Variants in ZNF202 observed in about 807,000 individuals in gnomAD.
ZNF202 encodes zinc finger protein 202, also known as zinc finger protein with KRAB and SCAN domains 10.
ZNF202 carries 22 observed loss-of-function variants against 54.5 expected under a neutral mutation model. The ratio of observed to expected loss-of-function variants is 0.40; its 90% CI spans 0.29 to 0.58. ZNF202 has a LOEUF of 0.58. ZNF202 is among the 20% of genes least tolerant of loss of function. The pLI is 0.39. For missense variants in ZNF202, 644 were observed against 805.5 expected (o/e 0.80, Z 2.43); for synonymous variants, 294 against 301.4 (o/e 0.98, Z 0.26).
At position 123,726,266 on chromosome 11, in the gene ZNF202, C is replaced by T. The variant is rs763487471; in HGVS notation, c.1678G>A (p.Ala560Thr). 2.7e-5 allele frequency: 44 copies of T among 1,614,210 alleles called. No homozygotes were observed. In the East Asian group the frequency reaches 6.5e-4, roughly 24 times the overall value. Residue 560 changes from alanine to threonine, a missense_variant, in exon 9 of 9, where the codon GCT (alanine) becomes ACT (threonine). Transcript: ENST00000530393. This position sits in a 1 kb window ranked among gnomAD's most constrained non-coding sequence, Gnocchi z 6.0. The stretch of plus-strand genomic sequence containing the variant: ...CTGCAGAGGTAGAGTTCCTCAGCAG[C>T]GTGCGTCTTCCGGTGCGCCAGGTAC... Reference protein sequence around the residue: ...RRYLAHRKTHAAEELYLCSEC... With the variant: ...RRYLAHRKTHTAEELYLCSEC...
intron 3 of ZNF202, among the ~76,000 whole-genome samples, chr11:123,732,376 C>T (rs1297704603): frequency 1.3e-5 from 2 of 152,188 alleles, no homozygotes; most frequent in Non-Finnish European, 2.9e-5. Flanking sequence ...TTATTCTCTT[C>T]GCCCTCCTCT....
intron 3 of ZNF202, among the ~76,000 whole-genome samples, chr11:123,737,391 C>T (rs908570120): frequency 1.3e-5 from 2 of 151,982 alleles, no homozygotes; most frequent in Non-Finnish European, 1.5e-5. Flanking sequence ...ACCTAAGTTT[C>T]CCCCCCGCCC....
chr11:123,739,801 C>T (rs1378335207), intron 3 of ZNF202, among the ~76,000 whole-genome samples: 1 of 152,166 alleles, frequency 6.6e-6, no homozygotes, highest in Non-Finnish European at 1.5e-5. Context: ...AAGTGAAGAA[C>T]CCAGATCTGC....
intron 8 of ZNF202, 109 bp downstream of exon 8, chr11:123,727,367 C>T: frequency 1.4e-6 from 2 of 1,472,174 alleles, no homozygotes; most frequent in South Asian, 1.3e-5. Context: ...GCAGTACTGG[C>T]TGACATGTTA....
Position 123,730,906 on chromosome 11 carries a change from G to T in ZNF202, c.-18C>A. 6.2e-7 allele frequency: 1 copy of T among 1,603,566 alleles called. No individual in the cohort carries two copies. Among genetic ancestry groups the T allele is most frequent in the Non-Finnish European group, 8.5e-7 (1 of 1,174,132 alleles). ...GTAGCCATTTCTTGGCTTTGGGGTGGTCTCACACCATCTAGAGCTCACACT... is the reference window on the plus strand; with the variant it reads ...GTAGCCATTTCTTGGCTTTGGGGTGTTCTCACACCATCTAGAGCTCACACT... On this transcript the variant is annotated 5_prime_UTR_variant, in exon 4 of 9. Coordinates refer to ENST00000530393, the MANE Select transcript of ZNF202 (RefSeq NM_003455.4). This position sits in a 1 kb window ranked among gnomAD's most constrained non-coding sequence, Gnocchi z 6.0.
Position 123,730,476 on chromosome 11 carries a change from C to T in ZNF202, c.402+11G>A. ...CTCCACATCACACAGATCAGGACTC[C>T]CCCTCCTCACCCACCGCCTTGGTCT... On this transcript the variant is annotated intron_variant, in intron 4 of 8. Coordinates refer to ENST00000530393, the MANE Select transcript of ZNF202 (RefSeq NM_003455.4). The surrounding 1 kb of genome is among the most constrained non-coding windows in gnomAD (Gnocchi z 6.0). 3.3e-6 allele frequency: 5 copies of T among 1,517,558 alleles called. No individual in the cohort carries two copies. Among genetic ancestry groups the T allele is most frequent in the Non-Finnish European group, 4.4e-6 (5 of 1,134,956 alleles). 94.0% of individuals were successfully genotyped at this position (1,517,558 alleles called of 1,614,324 possible). A position where few individuals can be genotyped will look rare whatever the true frequency, so the allele number is the denominator to read the frequency against.
At position 123,724,166 on chromosome 11, in the gene ZNF202, T is replaced by C. The variant is rs1861020404; in HGVS notation, c.*1831A>G. 6.6e-6 allele frequency: 1 copy of C among 152,212 alleles called. No homozygotes were observed. Among genetic ancestry groups the C allele is most frequent in the Non-Finnish European group, 1.5e-5 (1 of 68,050 alleles). 9.4% of individuals were successfully genotyped at this position (152,212 alleles called of 1,614,324 possible). A position where few individuals can be genotyped will look rare whatever the true frequency, so the allele number is the denominator to read the frequency against. ...GCAAACTCCAGGCTTGGATCTTATC[T>C]CAGAGTGCATATGTTTCACCGGACT... is the stretch of plus-strand genomic sequence containing the variant. On this transcript the variant is annotated 3_prime_UTR_variant, in exon 9 of 9. Coordinates refer to ENST00000530393, the MANE Select transcript of ZNF202 (RefSeq NM_003455.4).
Position 123,726,078 on chromosome 11 carries a change from C to G in ZNF202, c.1866G>C (p.Thr622=). 6.2e-7 allele frequency: 1 copy of G among 1,614,098 alleles called. No homozygotes were observed. The highest frequency in any genetic ancestry group is 2.2e-5 in the East Asian group (1 of 44,872). ...QRTHTGEKPF[T]CPTCGKSFSR... is the part of the protein sequence containing the mutation. ...TGAAGCTTTTTCCACAGGTAGGGCA[C>G]GTGAATGGTTTCTCCCCAGTGTGTG... Residue 622 remains threonine (T), a synonymous_variant, in exon 9 of 9, where the codon ACG becomes ACC. Transcript: ENST00000530393. The surrounding 1 kb of genome is among the most constrained non-coding windows in gnomAD (Gnocchi z 6.0).
intron 3 of ZNF202, among the ~76,000 whole-genome samples, chr11:123,736,771 C>A (rs1278705098): frequency 1.3e-5 from 2 of 152,106 alleles, no homozygotes; most frequent in East Asian, 1.9e-4. Context: ...GTCTTATCCT[C>A]AAAAATGTGG....
chr11:123,730,827 A>T lies in ZNF202; in HGVS notation c.62T>A (p.Val21Glu). ...ACAGGTGAAATCATCTTCCAGTTTC[A>T]CCATCAGAATTCCCTCTTCTTCCCA... ...DLWEEEGILM[V>E]KLEDDFTCRP... The change falls in exon 4 of 9, where the codon GTG becomes GAG. Residue 21 changes from valine to glutamate, a missense_variant. By Grantham distance (121) the Val-to-Glu change is moderately radical. Coordinates refer to ENST00000530393, the MANE Select transcript of ZNF202 (RefSeq NM_003455.4). This position sits in a 1 kb window ranked among gnomAD's most constrained non-coding sequence, Gnocchi z 6.0. The T allele has an allele frequency of 6.2e-7, 1 of 1,614,110 alleles. No individual in the cohort carries two copies. The highest frequency in any genetic ancestry group is 2.2e-5 in the East Asian group (1 of 44,858).
chr11:123,726,489 A>G lies in ZNF202; in HGVS notation c.1455T>C (p.Asp485=), dbSNP rs746406408. 3.7e-6 allele frequency: 6 copies of G among 1,614,142 alleles called. No individual in the cohort carries two copies. The highest frequency in any genetic ancestry group is 2.7e-5 in the African/African-American group (2 of 74,954). The change falls in exon 9 of 9, where the codon GAT becomes GAC. Residue 485 remains aspartate (D), a synonymous_variant. Transcript: ENST00000530393. The surrounding 1 kb of genome is among the most constrained non-coding windows in gnomAD (Gnocchi z 6.0). ...PSVEKPYRCD[D]CGKHFRWTSD... is the part of the protein sequence containing the mutation. ...AAGTCCAGCGGAAGTGCTTTCCGCAATCATCACATCTATAGGGTTTCTCCA... is the reference window on the plus strand; with the variant it reads ...AAGTCCAGCGGAAGTGCTTTCCGCAGTCATCACATCTATAGGGTTTCTCCA...
chr11:123,730,986 C>T lies in ZNF202; in HGVS notation c.-97-1G>A, dbSNP rs1467405567. On this transcript the variant is annotated splice_acceptor_variant, in intron 3 of 8. Coordinates refer to ENST00000530393, the MANE Select transcript of ZNF202 (RefSeq NM_003455.4). LOFTEE classifies it low-confidence loss of function (5UTR_SPLICE). This position sits in a 1 kb window ranked among gnomAD's most constrained non-coding sequence, Gnocchi z 6.0. ...CAGCGAGGATTTTCTTCCAAGGGCC[C>T]TGGATAGAGAAGTAAAGACAAACAA... 7.0e-7 allele frequency: 1 copy of T among 1,422,424 alleles called. No individual in the cohort carries two copies. The highest frequency in any genetic ancestry group is 9.5e-7 in the Non-Finnish European group (1 of 1,054,630). The allele number at this position is 1,422,424 out of a possible 1,614,324, so 88.1% of individuals were successfully genotyped here.
rs1388607462 is a variant in ZNF202 at position 123,741,606 on chromosome 11, G to A, written c.-351C>T. On this transcript the variant is annotated 5_prime_UTR_variant, in exon 1 of 9. Transcript: ENST00000530393. The stretch of plus-strand genomic sequence containing the variant: ...CCCGGCTTCTCTCCCACCCACTCCC[G>A]ACCGAAACAGCGCCGCCGGATCCGA... 6.6e-6 allele frequency: 1 copy of A among 152,526 alleles called. No homozygotes were observed. The highest frequency in any genetic ancestry group is 1.5e-5 in the Non-Finnish European group (1 of 68,160). The allele number at this position is 152,526 out of a possible 1,614,324, so 9.4% of individuals were successfully genotyped here.
chr11:123,735,668 A>T (rs1316156357), intron 3 of ZNF202, among the ~76,000 whole-genome samples: 5 of 152,192 alleles, frequency 3.3e-5, no homozygotes, highest in Admixed American at 6.5e-5. Flanking sequence ...AACGTACCCA[A>T]GAGCCCTTGT....
Position 123,726,084 on chromosome 11 carries a change from T to C in ZNF202, c.1860A>G (p.Pro620=). The change falls in exon 9 of 9, where the codon CCA becomes CCG. Residue 620 remains proline (P), a synonymous_variant. Transcript: ENST00000530393. This position sits in a 1 kb window ranked among gnomAD's most constrained non-coding sequence, Gnocchi z 6.0. ...TTTTTCCACAGGTAGGGCACGTGAA[T>C]GGTTTCTCCCCAGTGTGTGTTCTCT... ...RHQRTHTGEK[P]FTCPTCGKSF... is the part of the protein sequence containing the mutation. The C allele has an allele frequency of 6.2e-7, 1 of 1,614,166 alleles. No homozygotes were observed. The highest frequency in any genetic ancestry group is 1.3e-5 in the African/African-American group (1 of 75,040).
intron 6 of ZNF202, 99 bp downstream of exon 6, chr11:123,729,027 A>T (rs35385981): frequency 4.4e-5 from 53 of 1,201,744 alleles, no homozygotes; most frequent in Non-Finnish European, 6.1e-5. Flanking sequence ...AAAACTGGCA[A>T]GAGTGTAAAT....
At position 123,725,375 on chromosome 11, in the gene ZNF202, T is replaced by A. The variant is rs962379356; in HGVS notation, c.*622A>T. 2 of 152,218 alleles carry A rather than the reference T, an allele frequency of 1.3e-5. No individual in the cohort carries two copies. The highest frequency in any genetic ancestry group is 2.4e-5 in the African/African-American group (1 of 41,442). 9.4% of individuals were successfully genotyped at this position (152,218 alleles called of 1,614,324 possible). On this transcript the variant is annotated 3_prime_UTR_variant, in exon 9 of 9. Coordinates refer to ENST00000530393, the MANE Select transcript of ZNF202 (RefSeq NM_003455.4). ...TGGGGGAGGGAGCAGCTTGACAAGG[T>A]CCACATGAAGCAGCCTTGAGATTTT...
At chr11:123,735,230 G>A (rs940670301) in intron 3 of ZNF202, among the ~76,000 whole-genome samples, 5 of 152,144 alleles carry the variant, frequency 3.3e-5, no homozygotes, top group East Asian at 1.9e-4. Context: ...GAGAACCGAC[G>A]TCCAGTGAAG....
chr11:123,726,036 T>A lies in ZNF202; in HGVS notation c.1908A>T (p.Leu636Phe). ...CTGAGTGGGTCCTCTGATGCCTAAT[T>A]AAGTGATATCCTCTGCTGAAGCTTT... ...CGKSFSRGYHLIRHQRTHSEK... is the reference protein window; with the variant it reads ...CGKSFSRGYHFIRHQRTHSEK... The change falls in exon 9 of 9, where the codon TTA becomes TTT. Residue 636 changes from leucine to phenylalanine, a missense_variant. This residue lies in a region of ZNF202 where 536 missense variants were observed against 635.3 expected (regional missense o/e 0.84). Transcript: ENST00000530393. This position sits in a 1 kb window ranked among gnomAD's most constrained non-coding sequence, Gnocchi z 6.0. The A allele has an allele frequency of 6.2e-7, 1 of 1,614,022 alleles. No individual in the cohort carries two copies.
Sources: gnomAD v4.1 joint callset for allele counts (sites outside exome capture counted in the v4.1 genomes callset) on GRCh38, gnomAD v4.1.1 for gene constraint, gnomAD v4.1.1 regional missense constraint, Gnocchi (gnomAD v3.1) non-coding constraint, MANE v1.5 for transcripts, NCBI Gene and HGNC (gene_info 2026-07-23, HGNC 2026-07-21) for gene names.